Variants in MARCHF1 observed in about 807,000 individuals in gnomAD.
The protein encoded by MARCHF1 is membrane associated ring-CH-type finger 1.
In MARCHF1, 40 loss-of-function variants were observed where a neutral mutation model predicts 54.2. That is an observed-to-expected ratio of 0.74 (90% CI 0.57 to 0.96). MARCHF1 has a LOEUF of 0.96. Ranked by LOEUF, MARCHF1 falls within the 40% of genes least tolerant of loss-of-function variation. The pLI is 0.00. For missense variants in MARCHF1, 586 were observed against 656.5 expected (o/e 0.89, Z 1.17); for synonymous variants, 236 against 236.3 (o/e 1.00, Z 0.01).
intron 1 of MARCHF1, among the ~76,000 whole-genome samples, chr4:164,164,827 C>A (rs1490945022): frequency 6.6e-6 from 1 of 151,982 alleles, no homozygotes; most frequent in African/African-American, 2.4e-5. Flanking sequence ...ATAGGTAAAT[C>A]TATCATGGTG....
chr4:164,080,768 A>G (rs1167306301), intron 2 of MARCHF1, among the ~76,000 whole-genome samples: 3 of 152,000 alleles, frequency 2.0e-5, no homozygotes, highest in Non-Finnish European at 4.4e-5. Context: ...AAAAAGCATA[A>G]AAGTCCCTAA....
chr4:164,300,387 G>T (rs189759254), intron 1 of MARCHF1, among the ~76,000 whole-genome samples: 6 of 152,164 alleles, frequency 3.9e-5, no homozygotes, highest in Admixed American at 2.6e-4. Context: ...CTAGGTTTCC[G>T]ATCTAGCCAT....
intron 3 of MARCHF1, among the ~76,000 whole-genome samples, chr4:163,890,248 T>G (rs546906472): frequency 6.6e-6 from 1 of 152,266 alleles, no homozygotes; most frequent in South Asian, 2.1e-4. Flanking sequence ...TATGTTAAAC[T>G]TTAAATGTAG....
chr4:164,274,659 C>CTTTTTTT (rs70952617), intron 1 of MARCHF1, among the ~76,000 whole-genome samples: 1 of 44,644 alleles, frequency 2.2e-5, no homozygotes, highest in Non-Finnish European at 4.8e-5. Context: ...TCAGGGTACA[C>CTTTTTTT]TTTTTTTTTT....
rs139768151 is a variant in MARCHF1, at chr4:164,382,457, C to A, written c.-323+1413G>T. Among the ~76,000 whole-genome samples, 191 of 152,206 alleles carry A rather than the reference C, an allele frequency of 1.3e-3. 1 individual carries two copies. Among genetic ancestry groups the A allele is most frequent in the African/African-American group, 4.3e-3 (180 of 41,538 alleles). ...TACCAAACTGGTATACCAAGAATCT[C>A]CTTAATGTTCAAGGATTATTTACAT... On this transcript the variant is annotated intron_variant, in intron 1 of 9. Transcript: ENST00000514618.
chr4:163,674,784 G>C (rs1375351800), intron 5 of MARCHF1, among the ~76,000 whole-genome samples: 2 of 152,122 alleles, frequency 1.3e-5, no homozygotes, highest in Non-Finnish European at 2.9e-5. Context: ...GCTTAGGCAG[G>C]AAAGGTTAAG....
intron 4 of MARCHF1, among the ~76,000 whole-genome samples, chr4:163,835,606 A>G (rs1307052781): frequency 3.3e-5 from 5 of 152,252 alleles, no homozygotes; most frequent in South Asian, 4.1e-4. Context: ...TCCTTTTTCT[A>G]TCCATAAATC....
intron 2 of MARCHF1, among the ~76,000 whole-genome samples, chr4:164,108,253 C>A (rs1376765308): frequency 2.0e-5 from 3 of 152,082 alleles, no homozygotes; most frequent in Non-Finnish European, 4.4e-5. Context: ...ACCTTTAAAG[C>A]ATATATGTAA....
chr4:164,171,702 A>C (rs1730529923), intron 1 of MARCHF1, among the ~76,000 whole-genome samples: 1 of 152,210 alleles, frequency 6.6e-6, no homozygotes, highest in Non-Finnish European at 1.5e-5. Context: ...AAAACTTATC[A>C]TCAAGGTCCT....
chr4:163,703,973 C>T (rs987786433), intron 4 of MARCHF1, among the ~76,000 whole-genome samples: 8 of 151,890 alleles, frequency 5.3e-5, no homozygotes, highest in African/African-American at 1.9e-4. Context: ...AGGAAAGTGA[C>T]ACAGTTCCTT....
chr4:164,249,554 A>G (rs561275084), intron 1 of MARCHF1, among the ~76,000 whole-genome samples: 1 of 152,134 alleles, frequency 6.6e-6, no homozygotes, highest in South Asian at 2.1e-4. Flanking sequence ...TTGTAAATTG[A>G]ATTTTATTTT....
intron 3 of MARCHF1, among the ~76,000 whole-genome samples, chr4:163,970,478 T>G (rs555864954): frequency 6.6e-6 from 1 of 152,254 alleles, no homozygotes; most frequent in African/African-American, 2.4e-5. Context: ...CATGGACGGA[T>G]GGGTGGATGA....
chr4:163,929,950 AT>A (rs1751623939), intron 3 of MARCHF1, among the ~76,000 whole-genome samples: 2 of 36,872 alleles, frequency 5.4e-5, no homozygotes, highest in Admixed American at 4.5e-4. Flanking sequence ...TTTATATTAT[AT>A]ATATTATATA....
At chr4:163,560,605 T>A (rs1739437816) in intron 8 of MARCHF1, among the ~76,000 whole-genome samples, 1 of 152,146 alleles carries the variant, frequency 6.6e-6, no homozygotes, top group Non-Finnish European at 1.5e-5. Flanking sequence ...GTAGGTTAGT[T>A]TGGGGGAAGA....
intron 5 of MARCHF1, among the ~76,000 whole-genome samples, chr4:163,631,742 G>A (rs1433140828): frequency 6.6e-6 from 1 of 152,184 alleles, no homozygotes; most frequent in Non-Finnish European, 1.5e-5. Context: ...AAAACTGTAT[G>A]ACATTGGATT....
chr4:163,831,857 A>T (rs1749033632), intron 4 of MARCHF1, among the ~76,000 whole-genome samples: 1 of 152,100 alleles, frequency 6.6e-6, no homozygotes, highest in South Asian at 2.1e-4. Flanking sequence ...CACTTAAGGG[A>T]TTCATGACTA....
chr4:163,588,853 T>A (rs1220012480), intron 7 of MARCHF1, among the ~76,000 whole-genome samples: 1 of 152,092 alleles, frequency 6.6e-6, no homozygotes, highest in African/African-American at 2.4e-5. Flanking sequence ...TGGTCATAGA[T>A]CTCTGTCTTA....
chr4:164,152,121 C>T (rs776800675), intron 1 of MARCHF1, among the ~76,000 whole-genome samples: 39 of 151,748 alleles, frequency 2.6e-4, no homozygotes, highest in South Asian at 1.7e-3. Context: ...AAATGGGGGA[C>T]GATAGAAAAT....
intron 8 of MARCHF1, among the ~76,000 whole-genome samples, chr4:163,574,429 A>T (rs1328181578): frequency 6.6e-6 from 1 of 151,486 alleles, no homozygotes; most frequent in African/African-American, 2.4e-5. Flanking sequence ...GTTTTCTTCT[A>T]GGGTTTTTAT....
Sources: allele counts gnomAD v4.1 joint callset (sites outside exome capture counted in the v4.1 genomes callset), GRCh38; gene constraint gnomAD v4.1.1; transcripts MANE v1.5; gene names NCBI Gene and HGNC (gene_info 2026-07-23, HGNC 2026-07-21).